The following HERC3 variants were observed in gnomAD, a reference collection of about 807,000 sequenced individuals.
The protein encoded by HERC3 is HECT and RLD domain containing E3 ubiquitin protein ligase 3.
In HERC3, 58 loss-of-function variants were observed where a neutral mutation model predicts 129.9. The ratio of observed to expected loss-of-function variants is 0.45; its 90% CI spans 0.36 to 0.56. The LOEUF (loss-of-function observed/expected upper bound fraction) is 0.56. Among genes scored for constraint, HERC3 ranks in the 20% least tolerant of loss-of-function variants. HERC3 has a pLI of 0.00. For synonymous variants in HERC3, 430 were observed against 451.0 expected, an observed-to-expected ratio of 0.95 and a Z score of 0.59; for missense variants, 835 against 1,244.2, an observed-to-expected ratio of 0.67 and a Z score of 4.95.
intron 23 of HERC3, among the ~76,000 whole-genome samples, chr4:88,689,350 A>T (rs1487709197): frequency 1.1e-5 from 1 of 88,352 alleles, no homozygotes; most frequent in Non-Finnish European, 1.9e-5. Context: ...ACAAAAAAGT[A>T]AAAAAAAAAA....
chr4:88,591,185 G>A (rs970541461), upstream of HERC3, among the ~76,000 whole-genome samples: 2 of 152,124 alleles, frequency 1.3e-5, no homozygotes, highest in East Asian at 3.9e-4. Context: ...GGGCCACCGC[G>A]CCTGGCCATC....
At chr4:88,634,750 C>T (rs778827029) in intron 3 of HERC3, among the ~76,000 whole-genome samples, 9 of 150,880 alleles carry the variant, frequency 6.0e-5, no homozygotes, top group Non-Finnish European at 1.3e-4. Flanking sequence ...AGCATCCCTA[C>T]TGGCATCAGG....
the HERC3 span, among the ~76,000 whole-genome samples, chr4:88,552,547 C>G: frequency 1.3e-5 from 2 of 152,226 alleles, no homozygotes; most frequent in Non-Finnish European, 2.9e-5. Flanking sequence ...GCCACCACAA[C>G]TGGCTCACAT....
the HERC3 span, among the ~76,000 whole-genome samples, chr4:88,542,490 C>G: frequency 6.6e-6 from 1 of 152,092 alleles, no homozygotes; most frequent in African/African-American, 2.4e-5. Flanking sequence ...GGATTCACAG[C>G]CGAATTGTAC....
chr4:88,689,200 C>T (rs1377939769), intron 23 of HERC3, among the ~76,000 whole-genome samples: 2 of 152,074 alleles, frequency 1.3e-5, no homozygotes, highest in Non-Finnish European at 2.9e-5. Context: ...CTTTCATAAT[C>T]TTTCCTTTTG....
At chr4:88,563,142 A>G in the HERC3 span, among the ~76,000 whole-genome samples, 1 of 152,208 alleles carries the variant, frequency 6.6e-6, no homozygotes, top group Non-Finnish European at 1.5e-5. Flanking sequence ...TACATGGAAT[A>G]TCTTTCCAAT....
intron 23 of HERC3, among the ~76,000 whole-genome samples, chr4:88,703,327 A>C (rs1204674244): frequency 6.6e-6 from 1 of 151,046 alleles, no homozygotes; most frequent in African/African-American, 2.4e-5. Flanking sequence ...ACAGTGGCTG[A>C]CTCTCTTGCT....
intron 13 of HERC3, 141 bp downstream of exon 13, chr4:88,667,629 A>G: frequency 3.1e-6 from 2 of 643,860 alleles, no homozygotes; most frequent in Non-Finnish European, 2.7e-6. Context: ...TGGGAATTAG[A>G]CCTACCTTTT....
chr4:88,696,309 C>T (rs1734593228), intron 23 of HERC3: 1 of 152,644 alleles, frequency 6.6e-6, no homozygotes, highest in Non-Finnish European at 1.5e-5. Flanking sequence ...AGCTACATGA[C>T]AGAAAGACGT....
intron 25 of HERC3, among the ~76,000 whole-genome samples, chr4:88,704,863 CT>C (rs1165694315): frequency 2.1e-3 from 274 of 130,572 alleles, no homozygotes; most frequent in Admixed American, 2.7e-3. Flanking sequence ...TTCTTTCTTT[CT>C]TTTTTTTTTT....
At chr4:88,667,330 GTT>G (rs752934192) in intron 12 of HERC3, 45 bp from the exon 13 acceptor site, 1 of 1,010,294 alleles carries the variant, frequency 9.9e-7, no homozygotes, top group Non-Finnish European at 1.5e-6. Flanking sequence ...CTATCAGAGT[GTT>G]TGCTTTTTCT....
chr4:88,697,480 T>C (rs1734740244), intron 23 of HERC3: 12 of 1,614,062 alleles, frequency 7.4e-6, no homozygotes, highest in Non-Finnish European at 1.0e-5. Context: ...TTCTATCTTA[T>C]CGCATCGCTT....
chr4:88,665,466 G>C (rs747470325), intron 12 of HERC3, among the ~76,000 whole-genome samples: 44 of 152,212 alleles, frequency 2.9e-4, no homozygotes, highest in Non-Finnish European at 8.8e-5. Context: ...AGTTCCAGAA[G>C]AGAGAAATAA....
At chr4:88,635,217 G>T (rs1727248608) in intron 3 of HERC3, among the ~76,000 whole-genome samples, 1 of 152,024 alleles carries the variant, frequency 6.6e-6, no homozygotes, top group Admixed American at 6.5e-5. Context: ...AGGTAAAGGA[G>T]CATGTTCTAA....
intron 19 of HERC3, among the ~76,000 whole-genome samples, chr4:88,678,351 C>T (rs1732392797): frequency 1.3e-5 from 2 of 152,206 alleles, no homozygotes; most frequent in Non-Finnish European, 2.9e-5. Context: ...GATTAGAGTG[C>T]TTTCTTTGTC....
chr4:88,585,694 C>A, the HERC3 span, among the ~76,000 whole-genome samples: 23 of 151,956 alleles, frequency 1.5e-4, no homozygotes, highest in African/African-American at 5.3e-4. Context: ...TATATGACAC[C>A]AAACAAAATT....
At chr4:88,679,522 CT>C (rs35403047) in intron 19 of HERC3, among the ~76,000 whole-genome samples, 15,670 of 139,632 alleles carry the variant, frequency 0.11, 1,199 homozygotes, top group South Asian at 0.24. Flanking sequence ...GATGGTAGAC[CT>C]TTTTTTTTTT....
At chr4:88,685,552 A>T (rs1733335369) in intron 21 of HERC3, among the ~76,000 whole-genome samples, 2 of 152,178 alleles carry the variant, frequency 1.3e-5, no homozygotes, top group South Asian at 4.1e-4. Context: ...AACAATGAGA[A>T]CATGTGGACA....
intron 1 of HERC3, among the ~76,000 whole-genome samples, chr4:88,594,982 A>T (rs1046601930): frequency 2.0e-5 from 3 of 150,768 alleles, no homozygotes; most frequent in African/African-American, 7.3e-5. Context: ...GGCGCCTGTA[A>T]TTCCAGCTAC....
Sources: gnomAD v4.1 joint callset for allele counts (sites outside exome capture counted in the v4.1 genomes callset) on GRCh38, gnomAD v4.1.1 for gene constraint, MANE v1.5 for transcripts, NCBI Gene and HGNC (gene_info 2026-07-23, HGNC 2026-07-21) for gene names.